The following ZC3H11B variants were observed in gnomAD, a reference collection of about 807,000 sequenced individuals.
ZC3H11B encodes zinc finger CCCH-type containing 11B.
Under a neutral mutation model 34.0 loss-of-function variants are expected in ZC3H11B, and 3 were observed. The ratio of observed to expected loss-of-function variants is 0.09; its 90% CI spans 0.04 to 0.23. The LOEUF (loss-of-function observed/expected upper bound fraction) is 0.23, where lower values mean the gene tolerates loss of function less well. ZC3H11B is among the 10% of genes least tolerant of loss of function. ZC3H11B has a pLI of 1.00. For synonymous variants in ZC3H11B, 33 were observed against 250.1 expected (o/e 0.13, Z 8.19); for missense variants, 99 against 660.1 (o/e 0.15, Z 9.31).
chr1:219,608,644 G>A (rs1320911001), exon 2 of ZC3H11B: 11 of 151,794 alleles, frequency 7.2e-5, no homozygotes, highest in Non-Finnish European at 1.3e-4. Context: ...AATATCCCTG[G>A]CACAGTACAA....
exon 2 of ZC3H11B, chr1:219,611,139 C>G: frequency 6.2e-7 from 1 of 1,613,818 alleles, no homozygotes; most frequent in Non-Finnish European, 8.5e-7. Flanking sequence ...CAACTTTCTT[C>G]CCTAGCCTCT....
At position 219,611,309 on chromosome 1, in the gene ZC3H11B, G is replaced by GA; in HGVS notation, c.753dup (p.Pro252SerfsTer2). On this transcript the variant is annotated frameshift_variant, in exon 2 of 2. Coordinates refer to ENST00000651890, the Ensembl canonical transcript of ZC3H11B. LOFTEE classifies it high-confidence loss of function. Reference sequence around the variant, plus strand: ...ACAGTCCTGACATTTTCTTTTTCAGGACCTGGAACAGGCTCAGGGTGGAGT... The same window carrying GA: ...ACAGTCCTGACATTTTCTTTTTCAGGAACCTGGAACAGGCTCAGGGTGGAGT... The GA allele has an allele frequency of 1.2e-6, 1 of 814,154 alleles. No individual in the cohort carries two copies. Among genetic ancestry groups the GA allele is most frequent in the Non-Finnish European group, 2.0e-6 (1 of 491,268 alleles). 50.4% of individuals were successfully genotyped at this position (814,154 alleles called of 1,614,324 possible). A position where few individuals can be genotyped will look rare whatever the true frequency, so the allele number is the denominator to read the frequency against.
At chr1:219,608,018 A>C (rs997484335) in exon 2 of ZC3H11B, among the ~76,000 whole-genome samples, 5 of 151,814 alleles carry the variant, frequency 3.3e-5, no homozygotes, top group African/African-American at 1.2e-4. Context: ...AACATTGACT[A>C]ATACAAGTTT....
chr1:219,608,956 A>T (rs1367480339), exon 2 of ZC3H11B: 1 of 152,166 alleles, frequency 6.6e-6, no homozygotes, highest in African/African-American at 2.4e-5. Flanking sequence ...GGGACCCCTG[A>T]GGCACTTTAA....
exon 2 of ZC3H11B, chr1:219,610,132 C>T: frequency 2.5e-6 from 2 of 806,284 alleles, no homozygotes; most frequent in Admixed American, 2.0e-5. Flanking sequence ...AGCTTCACCC[C>T]TTTTTTCCAA....
chr1:219,612,171 A>G (rs1668011498), exon 2 of ZC3H11B: 2 of 609,722 alleles, frequency 3.3e-6, no homozygotes, highest in East Asian at 5.7e-5. Flanking sequence ...CTTCCAAATG[A>G]CAACTTGATC....
exon 2 of ZC3H11B, chr1:219,609,275 A>G (rs572384605): frequency 0.057 from 16,429 of 289,922 alleles, 511 homozygotes; most frequent in Middle Eastern, 0.085. Flanking sequence ...AAAGAATACA[A>G]CAAAGGAGAA....
chr1:219,609,076 C>T (rs908084143), exon 2 of ZC3H11B: 2 of 163,552 alleles, frequency 1.2e-5, no homozygotes, highest in African/African-American at 4.8e-5. Context: ...ACATTACAGG[C>T]TTCCTGAGTT....
exon 2 of ZC3H11B, chr1:219,610,009 G>A: frequency 6.6e-7 from 1 of 1,523,134 alleles, no homozygotes; most frequent in South Asian, 1.1e-5. Flanking sequence ...GGAGCTGAGT[G>A]GCTTCACAGC....
In ZC3H11B at chr1:219,611,319, AGGCTCAG is replaced by A; in HGVS notation, c.737_743del (p.Pro246LeufsTer14). 1 of 794,562 alleles carries A rather than the reference AGGCTCAG, an allele frequency of 1.3e-6. No individual in the cohort carries two copies. The highest frequency in any genetic ancestry group is 2.1e-5 in the Admixed American group (1 of 46,912). The allele number at this position is 794,562 out of a possible 1,614,324, so 49.2% of individuals were successfully genotyped here. ...CATTTTCTTTTTCAGGACCTGGAAC[AGGCTCAG>A]GGTGGAGTAAAAGACTGGAAACTCC... On this transcript the variant is annotated frameshift_variant, in exon 2 of 2. Coordinates refer to ENST00000651890, the Ensembl canonical transcript of ZC3H11B. LOFTEE classifies it high-confidence loss of function.
exon 2 of ZC3H11B, chr1:219,608,754 C>T (rs1472150160): frequency 6.6e-6 from 1 of 152,506 alleles, no homozygotes; most frequent in Non-Finnish European, 1.5e-5. Context: ...TACTGGGCAA[C>T]AGGGGTTTGT....
chr1:219,609,309 T>C (rs899524846), exon 2 of ZC3H11B: 14 of 370,276 alleles, frequency 3.8e-5, no homozygotes, highest in Non-Finnish European at 6.5e-5. Flanking sequence ...GACAAACACC[T>C]CAAGGAGTCA....
At chr1:219,608,190 T>C (rs1667946117) in exon 2 of ZC3H11B, among the ~76,000 whole-genome samples, 1 of 152,144 alleles carries the variant, frequency 6.6e-6, no homozygotes, top group Non-Finnish European at 1.5e-5. Flanking sequence ...CAGCTGAAGA[T>C]GGATTGGTAG....
chr1:219,609,140 A>T (rs1444731982), exon 2 of ZC3H11B: 3 of 181,864 alleles, frequency 1.6e-5, no homozygotes, highest in Non-Finnish European at 3.5e-5. Flanking sequence ...AAAAAGACAT[A>T]CAATTTAACA....
At chr1:219,612,362 A>G in exon 2 of ZC3H11B, 1 of 355,112 alleles carries the variant, frequency 2.8e-6, no homozygotes, top group Non-Finnish European at 4.9e-6. Flanking sequence ...CTCAGCCACA[A>G]TTCAAACACA....
At chr1:219,608,035 T>A (rs1309460595) in exon 2 of ZC3H11B, among the ~76,000 whole-genome samples, 2 of 151,876 alleles carry the variant, frequency 1.3e-5, no homozygotes, top group Non-Finnish European at 2.9e-5. Context: ...GTTTATTTTT[T>A]AAAAAAGCAA....
In ZC3H11B at chr1:219,611,614, G is replaced by A. The variant is rs1668001535; in HGVS notation, c.449C>T (p.Pro150Leu). ...ATTAATTACAACTGGTGGATGCTTGGGGCTAGGAACATTTTCGGAACTTTC... is the reference window on the plus strand; with the variant it reads ...ATTAATTACAACTGGTGGATGCTTGAGGCTAGGAACATTTTCGGAACTTTC... Residue 150 changes from proline to leucine, a missense_variant, in exon 2 of 2, where the codon CCC (proline) becomes CTC (leucine). Physicochemically the swap from Pro to Leu is moderately conservative, Grantham distance 98 (BLOSUM62 -3). Transcript: ENST00000651890. 5.1e-6 allele frequency: 8 copies of A among 1,556,162 alleles called. No homozygotes were observed. In the South Asian group the frequency reaches 5.6e-5, roughly 11 times the overall value.
At chr1:219,608,475 T>A (rs1462571426) in exon 2 of ZC3H11B, 1 of 152,100 alleles carries the variant, frequency 6.6e-6, no homozygotes, top group Non-Finnish European at 1.5e-5. Context: ...CCTGATTATA[T>A]ACAACATATC....
exon 2 of ZC3H11B, chr1:219,608,272 T>A (rs541186289): frequency 1.3e-5 from 2 of 152,646 alleles, no homozygotes; most frequent in Non-Finnish European, 1.5e-5. Context: ...CAAGACTGAA[T>A]GGGCAGTCCT....
Sources: allele counts gnomAD v4.1 joint callset (sites outside exome capture counted in the v4.1 genomes callset), GRCh38; gene constraint gnomAD v4.1.1; transcripts MANE v1.5; gene names NCBI Gene and HGNC (gene_info 2026-07-23, HGNC 2026-07-21).